PADI4: variants seen among roughly 807,000 people sequenced by gnomAD.
PADI4 encodes peptidyl arginine deiminase 4.
A neutral mutation model predicts 75.0 loss-of-function variants in PADI4; 62 were observed. The observed-to-expected ratio is 0.83, with a 90% CI of 0.67 to 1.02. The LOEUF is 1.02. Ranked by LOEUF, PADI4 falls within the 50% of genes least tolerant of loss-of-function variation. The pLI is 0.00. For synonymous variants in PADI4, 361 were observed against 348.1 expected (o/e 1.04, Z -0.41); for missense variants, 845 against 850.5 (o/e 0.99, Z 0.08).
intron 4 of PADI4, among the ~76,000 whole-genome samples, chr1:17,337,356 G>A (rs139258968): frequency 0.022 from 3,358 of 152,176 alleles, 60 homozygotes; most frequent in Non-Finnish European, 0.031. Flanking sequence ...ATGTTGGCCA[G>A]GCTGGTCTTG....
chr1:17,311,922 A>G (rs1370196249), intron 1 of PADI4, among the ~76,000 whole-genome samples: 1 of 152,152 alleles, frequency 6.6e-6, no homozygotes, highest in Non-Finnish European at 1.5e-5. Flanking sequence ...GTAAAATGGG[A>G]AAATTAACAC....
chr1:17,308,498 G>T (rs1386543381), intron 1 of PADI4, among the ~76,000 whole-genome samples, 184 bp downstream of exon 1: 1 of 152,158 alleles, frequency 6.6e-6, no homozygotes, highest in Non-Finnish European at 1.5e-5. Context: ...TCATGGCTGT[G>T]GGTTCTTTGC....
At chr1:17,354,250 A>G (rs925313623) in intron 10 of PADI4, among the ~76,000 whole-genome samples, 1 of 152,052 alleles carries the variant, frequency 6.6e-6, no homozygotes, top group Admixed American at 6.6e-5. Context: ...CTTAAGGGGA[A>G]AAAAAATGAT....
chr1:17,355,524 G>C (rs1037300178), intron 11 of PADI4, among the ~76,000 whole-genome samples: 2 of 133,762 alleles, frequency 1.5e-5, no homozygotes, highest in Non-Finnish European at 1.6e-5. Flanking sequence ...GGGCAACAGA[G>C]CAAGACTCTG....
intron 13 of PADI4, among the ~76,000 whole-genome samples, chr1:17,357,867 G>A (rs1396109718): frequency 2.0e-5 from 3 of 151,246 alleles, no homozygotes; most frequent in Admixed American, 1.3e-4. Flanking sequence ...GGAGGTGGAG[G>A]TTGCAGTGAG....
At chr1:17,340,759 A>G (rs1035570277) in intron 6 of PADI4, among the ~76,000 whole-genome samples, 48 of 139,682 alleles carry the variant, frequency 3.4e-4, no homozygotes, top group Non-Finnish European at 6.7e-4. Context: ...AATCATTCTG[A>G]TCCTGATCAT....
Position 17,363,703 on chromosome 1 carries a change from C to T in PADI4, c.1940C>T (p.Thr647Ile). 1.2e-6 allele frequency: 2 copies of T among 1,614,176 alleles called. No homozygotes were observed. The highest frequency in any genetic ancestry group is 1.7e-6 in the Non-Finnish European group (2 of 1,179,992). ...HIRHGEVHCG[T>I]NVRRKPFSFK... The stretch of plus-strand genomic sequence containing the variant: ...AGGCATGGGGAGGTGCACTGCGGCA[C>T]CAACGTGCGCAGAAAGCCCTTCTCC... Residue 647 changes from threonine to isoleucine, a missense_variant, in exon 16 of 16, where the codon ACC becomes ATC. Physicochemically the swap from Thr to Ile is moderately conservative, Grantham distance 89 (BLOSUM62 -1). Coordinates refer to ENST00000375448, the MANE Select transcript of PADI4 (RefSeq NM_012387.3).
At position 17,345,269 on chromosome 1, in the gene PADI4, A is replaced by G. The variant is rs576165485; in HGVS notation, c.936-759A>G. Among the ~76,000 whole-genome samples, 24 of 152,224 alleles carry G rather than the reference A, an allele frequency of 1.6e-4. 1 individual carries two copies. The South Asian group carries it at 4.8e-3, about 30-fold the overall frequency. On this transcript the variant is annotated intron_variant, in intron 8 of 15. Transcript: ENST00000375448. ...GTATTTACCCAACACCTGTACCCCC[A>G]TTGTATCTAGGAAGTAACTAGCTTG...
At chr1:17,337,466 A>G (rs1047341643) in intron 4 of PADI4, among the ~76,000 whole-genome samples, 2 of 152,196 alleles carry the variant, frequency 1.3e-5, no homozygotes, top group African/African-American at 2.4e-5. Context: ...AAAAGCTGTT[A>G]AAATCCATGT....
At chr1:17,333,172 T>A (rs1274957638) in intron 2 of PADI4, among the ~76,000 whole-genome samples, 1 of 151,338 alleles carries the variant, frequency 6.6e-6, no homozygotes, top group Non-Finnish European at 1.5e-5. Context: ...ATCTAGGGAG[T>A]GGGTGGGAGG....
rs368357366 is a variant in PADI4, at chr1:17,358,975, G to T, written c.1629+67G>T. 3.8e-6 allele frequency: 4 copies of T among 1,055,040 alleles called. No homozygotes were observed. In the Middle Eastern group the frequency reaches 8.1e-4, roughly 214 times the overall value. 65.4% of individuals were successfully genotyped at this position (1,055,040 alleles called of 1,614,324 possible). A position where few individuals can be genotyped will look rare whatever the true frequency, so the allele number is the denominator to read the frequency against. ...TGTCCCCGGCTCAGCCACTTTCCCAGTGATTAGAGGCACACAGAGGCTCAG... is the reference window on the plus strand; with the variant it reads ...TGTCCCCGGCTCAGCCACTTTCCCATTGATTAGAGGCACACAGAGGCTCAG... On this transcript the variant is annotated intron_variant, in intron 14 of 15. Coordinates refer to ENST00000375448, the MANE Select transcript of PADI4 (RefSeq NM_012387.3).
Position 17,356,516 on chromosome 1 carries a change from G to A in PADI4, c.1558+57G>A, listed in dbSNP as rs113592321. ...TGCACCTTCCTGCTTCCCATAGTCC[G>A]CTGTTGCCTGGAGGGAATCATCCAG... is the stretch of plus-strand genomic sequence containing the variant. On this transcript the variant is annotated intron_variant, in intron 13 of 15. Transcript: ENST00000375448. The surrounding 1 kb of genome is among the most constrained non-coding windows in gnomAD (Gnocchi z 4.1). The A allele has an allele frequency of 1.1e-3, 1,155 of 1,032,964 alleles. 4 individuals are homozygous for A. Among genetic ancestry groups the A allele is most frequent in the African/African-American group, 8.8e-3 (555 of 63,262 alleles). The allele number at this position is 1,032,964 out of a possible 1,614,324, so 64.0% of individuals were successfully genotyped here.
chr1:17,316,214 C>T (rs58218115), intron 1 of PADI4, among the ~76,000 whole-genome samples: 1 of 151,408 alleles, frequency 6.6e-6, no homozygotes, highest in Non-Finnish European at 1.5e-5. Flanking sequence ...GTCAACATGG[C>T]GAAACCCCGT....
At chr1:17,321,810 T>C (rs2074035942) in intron 1 of PADI4, among the ~76,000 whole-genome samples, 1 of 152,208 alleles carries the variant, frequency 6.6e-6, no homozygotes, top group Admixed American at 6.5e-5. Context: ...TAAGGACCCG[T>C]GTCTGGGAGG....
intron 1 of PADI4, among the ~76,000 whole-genome samples, chr1:17,313,928 T>C (rs2073889563): frequency 6.6e-6 from 1 of 152,220 alleles, no homozygotes; most frequent in Admixed American, 6.5e-5. Flanking sequence ...AAGTTCCTTG[T>C]TTAGGAGCTG....
intron 1 of PADI4, among the ~76,000 whole-genome samples, chr1:17,310,483 G>A (rs989094677): frequency 2.0e-5 from 3 of 151,980 alleles, no homozygotes; most frequent in Admixed American, 6.6e-5. Context: ...CCTCACCTCC[G>A]CCCCTCATAT....
rs874881 is a variant in PADI4 at position 17,334,004 on chromosome 1, G to T, written c.335G>T (p.Gly112Val). Residue 112 changes from glycine (G) to valine (V), a missense_variant, in exon 3 of 16, where the codon GGG becomes GTG. Transcript: ENST00000375448. ...GTCAAAGCTCTACTCTACCTCACCGGGGTGGGTAAGTGACAACCAGGATCC... is the reference window on the plus strand; with the variant it reads ...GTCAAAGCTCTACTCTACCTCACCGTGGTGGGTAAGTGACAACCAGGATCC... ...PPVKALLYLT[G>V]VEISLCADIT... 20 of 1,606,500 alleles carry T rather than the reference G, an allele frequency of 1.2e-5. No individual in the cohort carries two copies. The highest frequency in any genetic ancestry group is 6.7e-5 in the African/African-American group (5 of 74,786).
chr1:17,323,048 G>A (rs1557545338), intron 1 of PADI4, among the ~76,000 whole-genome samples: 1 of 152,190 alleles, frequency 6.6e-6, no homozygotes, highest in East Asian at 1.9e-4. Flanking sequence ...CCGTAGTCAT[G>A]CTAAGGCTCC....
rs929794706 is a variant in PADI4, at chr1:17,356,549, G to A, written c.1558+90G>A. 1 of 736,168 alleles carries A rather than the reference G, an allele frequency of 1.4e-6. No homozygotes were observed. 45.6% of individuals were successfully genotyped at this position (736,168 alleles called of 1,614,324 possible). A position where few individuals can be genotyped will look rare whatever the true frequency, so the allele number is the denominator to read the frequency against. On this transcript the variant is annotated intron_variant, in intron 13 of 15. Transcript: ENST00000375448. The surrounding 1 kb of genome is among the most constrained non-coding windows in gnomAD (Gnocchi z 4.1). ...CTGGAGGGAATCATCCAGGCAATAG[G>A]GTAGCATCTGAGCACCTACTGTGCG... is the stretch of plus-strand genomic sequence containing the variant.
Sources: allele counts gnomAD v4.1 joint callset (sites outside exome capture counted in the v4.1 genomes callset), GRCh38; gene constraint gnomAD v4.1.1; non-coding constraint Gnocchi (gnomAD v3.1); transcripts MANE v1.5; gene names NCBI Gene and HGNC (gene_info 2026-07-23, HGNC 2026-07-21).